The following PCDH11X variants were observed in gnomAD, a reference collection of about 807,000 sequenced individuals.
The protein encoded by PCDH11X is protocadherin-11 X-linked.
A neutral mutation model predicts 53.3 loss-of-function variants in PCDH11X; 18 were observed. That is an observed-to-expected ratio of 0.34 (90% confidence interval 0.23 to 0.50). The LOEUF is 0.50. Ranked by LOEUF, PCDH11X falls within the 20% of genes least tolerant of loss-of-function variation. PCDH11X has a pLI of 0.98. For synonymous variants in PCDH11X, 279 were observed against 393.3 expected, an observed-to-expected ratio of 0.71 and a Z score of 3.44; for missense variants, 570 against 1,032.4, an observed-to-expected ratio of 0.55 and a Z score of 6.14.
intron 10 of PCDH11X, among the ~76,000 whole-genome samples, chrX:92,612,438 G>C (rs1233446224): frequency 9.0e-6 from 1 of 110,826 alleles, no homozygotes; most frequent in African/African-American, 3.3e-5. Context: ...GGGATCAGTT[G>C]CAATGCCACC....
intron 10 of PCDH11X, among the ~76,000 whole-genome samples, chrX:92,609,659 G>A (rs1927161731): frequency 9.1e-6 from 1 of 110,475 alleles, no homozygotes; most frequent in South Asian, 3.8e-4. Context: ...GGGGGTACAT[G>A]TGCAGATTTG....
chrX:92,081,896 T>C (rs1439138324), intron 6 of PCDH11X, among the ~76,000 whole-genome samples: 1 of 111,756 alleles, frequency 8.9e-6, no homozygotes, highest in Non-Finnish European at 1.9e-5. Flanking sequence ...AAATATGTTG[T>C]TTTATAAATA....
chrX:92,583,130 C>T (rs1923917338), intron 10 of PCDH11X, among the ~76,000 whole-genome samples: 1 of 94,372 alleles, frequency 1.1e-5, no homozygotes, highest in Admixed American at 1.2e-4. Flanking sequence ...GATGGATTCT[C>T]TCTCTGTCGC....
intron 6 of PCDH11X, among the ~76,000 whole-genome samples, chrX:92,052,636 AC>A (rs2063384365): frequency 1.4e-5 from 1 of 70,837 alleles, no homozygotes; most frequent in African/African-American, 5.3e-5. Flanking sequence ...ACATTCTATA[AC>A]ATCCTAATTA....
intron 6 of PCDH11X, among the ~76,000 whole-genome samples, chrX:92,064,524 A>AAATAAAT (rs1484808833): frequency 6.7e-5 from 7 of 105,222 alleles, no homozygotes; most frequent in Admixed American, 2.0e-4. Flanking sequence ...ATAAATAAAT[A>AAATAAAT]AATAGTTTTG....
chrX:92,214,525 T>C (rs1466996946), intron 7 of PCDH11X, among the ~76,000 whole-genome samples: 1 of 111,697 alleles, frequency 9.0e-6, no homozygotes, highest in Admixed American at 9.5e-5. Flanking sequence ...AGAATTGCCA[T>C]GAAGGTTAGC....
chrX:92,035,940 G>A (rs1457571874), intron 6 of PCDH11X, among the ~76,000 whole-genome samples: 1 of 20,439 alleles, frequency 4.9e-5, no homozygotes, highest in Non-Finnish European at 8.0e-5. Context: ...TAAAAGAGTC[G>A]ATGCATTCTT....
chrX:92,557,834 C>T, intron 10 of PCDH11X, among the ~76,000 whole-genome samples: 1 of 109,666 alleles, frequency 9.1e-6, no homozygotes, highest in Non-Finnish European at 1.9e-5. Flanking sequence ...AAAAAAAAAA[C>T]CTAGGGTGAA....
chrX:91,824,131 A>G (rs370632961), intron 4 of PCDH11X, among the ~76,000 whole-genome samples: 5 of 110,904 alleles, frequency 4.5e-5, no homozygotes, highest in African/African-American at 1.3e-4. Flanking sequence ...TTCAACTTTG[A>G]TGAATCTGAC....
chrX:92,200,025 T>A (rs181757513), intron 6 of PCDH11X, among the ~76,000 whole-genome samples: 138 of 109,228 alleles, frequency 1.3e-3, no homozygotes, highest in African/African-American at 3.7e-3. Flanking sequence ...CTTGGTTTTT[T>A]AAAAAAAAAA....
intron 7 of PCDH11X, among the ~76,000 whole-genome samples, chrX:92,226,372 G>A (rs2066971739): frequency 9.0e-6 from 1 of 111,357 alleles, no homozygotes; most frequent in African/African-American, 3.3e-5. Context: ...AATCTAGCAA[G>A]GCCTATCTGT....
chrX:92,200,157 G>A (rs956699023), intron 6 of PCDH11X, among the ~76,000 whole-genome samples: 2 of 109,650 alleles, frequency 1.8e-5, no homozygotes, highest in African/African-American at 6.6e-5. Context: ...ATATATTCTG[G>A]TTATTTATCC....
intron 6 of PCDH11X, among the ~76,000 whole-genome samples, chrX:92,075,572 C>T (rs2063761566): frequency 8.9e-6 from 1 of 111,948 alleles, no homozygotes; most frequent in African/African-American, 3.2e-5. Flanking sequence ...CATAAAGTGA[C>T]TCAGACTAGG....
At chrX:92,535,143 A>G (rs1338507143) in intron 10 of PCDH11X, among the ~76,000 whole-genome samples, 2 of 112,373 alleles carry the variant, frequency 1.8e-5, no homozygotes, top group Non-Finnish European at 3.8e-5. Context: ...AAGCAGAACT[A>G]TCATTCAACC....
intron 9 of PCDH11X, among the ~76,000 whole-genome samples, chrX:92,448,995 G>A (rs1168933895): frequency 2.7e-5 from 3 of 112,028 alleles, no homozygotes; most frequent in Non-Finnish European, 5.6e-5. Context: ...TCACTTAAAT[G>A]TGCAGTAGCA....
chrX:92,071,672 C>A (rs1177884713), intron 6 of PCDH11X, among the ~76,000 whole-genome samples: 3 of 111,270 alleles, frequency 2.7e-5, no homozygotes, highest in Non-Finnish European at 3.8e-5. Context: ...TTCTTGCAGA[C>A]TCATAGAGGT....
chrX:92,606,192 A>G (rs1187064299), intron 10 of PCDH11X, among the ~76,000 whole-genome samples: 2 of 81,013 alleles, frequency 2.5e-5, no homozygotes, highest in Non-Finnish European at 4.4e-5. Flanking sequence ...AGATCGTGCC[A>G]TTGCACTCCA....
chrX:92,343,962 G>T lies in PCDH11X; in HGVS notation c.3145-43773G>T, dbSNP rs772441135. 9.6e-5 allele frequency among the ~76,000 whole-genome samples: 10 copies of T among 103,975 alleles called. No homozygotes were observed. The East Asian group carries it at 2.7e-3, about 29-fold the overall frequency. The allele number at this position is 103,975 out of a possible 115,157, so 90.3% of individuals were successfully genotyped here. A position where few individuals can be genotyped will look rare whatever the true frequency, so the allele number is the denominator to read the frequency against. Reference sequence around the variant, plus strand: ...TTTCTTGAAAGCTGGTTATACAAACGTTTTTTTTTTTCTTGCCCCTGTCTC... The same window carrying T: ...TTTCTTGAAAGCTGGTTATACAAACTTTTTTTTTTTTCTTGCCCCTGTCTC... On this transcript the variant is annotated intron_variant, in intron 8 of 10. Transcript: ENST00000682573.
intron 6 of PCDH11X, among the ~76,000 whole-genome samples, chrX:91,902,357 T>C (rs746432531): frequency 7.2e-5 from 8 of 110,679 alleles, no homozygotes; most frequent in African/African-American, 9.9e-5. Flanking sequence ...CTTTCTGCTC[T>C]ATTTGACATT....
Sources: gnomAD v4.1 joint callset for allele counts (sites outside exome capture counted in the v4.1 genomes callset) on GRCh38, gnomAD v4.1.1 for gene constraint, MANE v1.5 for transcripts, NCBI Gene and HGNC (gene_info 2026-07-23, HGNC 2026-07-21) for gene names.